AUTS2: variants seen among roughly 807,000 people sequenced by gnomAD.
AUTS2 encodes autism susceptibility gene 2 protein.
In AUTS2, 17 loss-of-function variants were observed where a neutral mutation model predicts 112.4. The ratio of observed to expected loss-of-function variants is 0.15; its 90% CI spans 0.10 to 0.23. The LOEUF is 0.23. Among genes scored for constraint, AUTS2 ranks in the 10% least tolerant of loss-of-function variants. AUTS2 has a pLI of 1.00. For missense variants in AUTS2, 1,510 were observed against 1,701.6 expected, an observed-to-expected ratio of 0.89 and a Z score of 1.98; for synonymous variants, 751 against 702.7, an observed-to-expected ratio of 1.07 and a Z score of -1.09.
chr7:70,629,177 A>G lies in AUTS2; in HGVS notation c.691-69392A>G, dbSNP rs74994914. On this transcript the variant is annotated intron_variant, in intron 5 of 18. Coordinates refer to ENST00000342771, the MANE Select transcript of AUTS2 (RefSeq NM_015570.4). ...TCAGTGCAAACCAACCCTTCTATTTAAAACACAGCTAGGCCAGGCATGGTG... is the reference window on the plus strand; with the variant it reads ...TCAGTGCAAACCAACCCTTCTATTTGAAACACAGCTAGGCCAGGCATGGTG... 3.3e-3 allele frequency among the ~76,000 whole-genome samples: 507 copies of G among 152,272 alleles called. 10 individuals are homozygous for G. The East Asian group carries it at 0.051, about 15-fold the overall frequency.
At chr7:70,678,632 CT>C (rs367791153) in intron 5 of AUTS2, among the ~76,000 whole-genome samples, 3 of 152,172 alleles carry the variant, frequency 2.0e-5, no homozygotes, top group Non-Finnish European at 4.4e-5. Flanking sequence ...TCAAATACTA[CT>C]TTTTTTATTA....
chr7:70,568,891 G>A (rs1403186901), intron 5 of AUTS2, among the ~76,000 whole-genome samples: 4 of 152,226 alleles, frequency 2.6e-5, no homozygotes, highest in Non-Finnish European at 5.9e-5. Flanking sequence ...ACTTTCTGTG[G>A]CTGTTGACAA....
At position 70,792,221 on chromosome 7, in the gene AUTS2, G is replaced by A. The variant is rs1019463892; in HGVS notation, c.*1225G>A. The A allele has an allele frequency of 6.6e-6, 1 of 152,546 alleles. No individual in the cohort carries two copies. The highest frequency in any genetic ancestry group is 2.4e-5 in the African/African-American group (1 of 41,426). 9.4% of individuals were successfully genotyped at this position (152,546 alleles called of 1,614,324 possible). On this transcript the variant is annotated 3_prime_UTR_variant, in exon 19 of 19. Transcript: ENST00000342771. ...CAGGTCAACCTTGTGGAGCCATCGCGAGTTAGAGGGTGAAAGATGGCAGAA... is the reference window on the plus strand; with the variant it reads ...CAGGTCAACCTTGTGGAGCCATCGCAAGTTAGAGGGTGAAAGATGGCAGAA...
intron 6 of AUTS2, among the ~76,000 whole-genome samples, chr7:70,722,749 C>G (rs1786769684): frequency 6.6e-6 from 1 of 152,266 alleles, no homozygotes; most frequent in South Asian, 2.1e-4. Flanking sequence ...GTGAATCCCT[C>G]TAATAAATGT....
At chr7:69,740,207 G>A (rs554538942) in intron 1 of AUTS2, among the ~76,000 whole-genome samples, 1 of 152,046 alleles carries the variant, frequency 6.6e-6, no homozygotes, top group East Asian at 1.9e-4. Context: ...CTGCTTCTTC[G>A]ATGTTCTGTG....
At chr7:70,138,007 G>C (rs1806662674) in intron 4 of AUTS2, among the ~76,000 whole-genome samples, 3 of 152,166 alleles carry the variant, frequency 2.0e-5, no homozygotes, top group African/African-American at 4.8e-5. Context: ...TGAACATGAC[G>C]ATGTTGGAAT....
rs532586330 is a variant in AUTS2, at chr7:70,406,043, T to G, written c.661-29709T>G. On this transcript the variant is annotated intron_variant, in intron 4 of 18. Transcript: ENST00000342771. ...GTGGCAGTCCTCCCCCTGAAGGTAT[T>G]TAAAAGAAAACACTCTTTTCACGGT... Among the ~76,000 whole-genome samples the G allele has an allele frequency of 1.2e-4, 18 of 152,252 alleles. No homozygotes were observed. The East Asian group carries it at 3.1e-3, about 26-fold the overall frequency.
chr7:70,031,016 T>C (rs1433009505), intron 2 of AUTS2, among the ~76,000 whole-genome samples: 3 of 152,148 alleles, frequency 2.0e-5, no homozygotes, highest in Non-Finnish European at 2.9e-5. Context: ...GCTATTCTTT[T>C]ACTTGTTGAA....
intron 1 of AUTS2, among the ~76,000 whole-genome samples, chr7:69,809,314 G>A (rs1021771261): frequency 6.6e-6 from 1 of 151,636 alleles, no homozygotes; most frequent in African/African-American, 2.4e-5. Flanking sequence ...TCCTGACCTC[G>A]TGATCTGCCC....
chr7:70,693,726 T>C (rs537882123), intron 5 of AUTS2, among the ~76,000 whole-genome samples: 2 of 152,226 alleles, frequency 1.3e-5, no homozygotes, highest in African/African-American at 4.8e-5. Flanking sequence ...ACTGGCTTGG[T>C]GGCAATTCAA....
chr7:69,892,213 C>CTTTTTTTTTTTTTT, intron 1 of AUTS2, among the ~76,000 whole-genome samples: 1 of 141,062 alleles, frequency 7.1e-6, no homozygotes, highest in African/African-American at 2.6e-5. Context: ...TGCTCTGTCG[C>CTTTTTTTTTTTTTT]CCAGGCTGGA....
chr7:69,614,461 C>T (rs1426643520), intron 1 of AUTS2, among the ~76,000 whole-genome samples: 1 of 151,612 alleles, frequency 6.6e-6, no homozygotes, highest in Non-Finnish European at 1.5e-5. Context: ...TCAAGCGATC[C>T]TCCTGCTGCA....
At chr7:69,751,256 T>C (rs1284895573) in intron 1 of AUTS2, among the ~76,000 whole-genome samples, 1 of 152,200 alleles carries the variant, frequency 6.6e-6, no homozygotes, top group Non-Finnish European at 1.5e-5. Flanking sequence ...CCACCCAGGG[T>C]CTGAGAGGTT....
At chr7:70,343,236 G>A (rs1791351214) in intron 4 of AUTS2, among the ~76,000 whole-genome samples, 1 of 152,158 alleles carries the variant, frequency 6.6e-6, no homozygotes, top group Non-Finnish European at 1.5e-5. Context: ...CACTGAAAGG[G>A]TAAAGTTAAC....
intron 5 of AUTS2, among the ~76,000 whole-genome samples, chr7:70,503,652 G>T (rs189456315): frequency 6.6e-6 from 1 of 151,338 alleles, no homozygotes; most frequent in African/African-American, 2.4e-5. Flanking sequence ...CAAGCAGCTG[G>T]GACTACAGGT....
At chr7:70,451,558 G>C (rs529605011) in intron 5 of AUTS2, among the ~76,000 whole-genome samples, 5 of 151,786 alleles carry the variant, frequency 3.3e-5, no homozygotes, top group African/African-American at 1.2e-4. Context: ...ACACTCACAT[G>C]GTTGTGCAAC....
At chr7:70,634,283 G>A (rs1805424357) in intron 5 of AUTS2, among the ~76,000 whole-genome samples, 1 of 152,206 alleles carries the variant, frequency 6.6e-6, no homozygotes, top group Admixed American at 6.5e-5. Flanking sequence ...AGACTTAAAG[G>A]GAACAGGAGG....
chr7:70,383,589 G>A (rs1412401948), intron 4 of AUTS2, among the ~76,000 whole-genome samples: 1 of 152,304 alleles, frequency 6.6e-6, no homozygotes, highest in South Asian at 2.1e-4. Context: ...ATTCTTCGCA[G>A]CACAGACCTC....
intron 12 of AUTS2, chr7:70,774,757 C>G (rs184433015): frequency 1.3e-5 from 2 of 152,540 alleles, no homozygotes; most frequent in Non-Finnish European, 2.9e-5. Flanking sequence ...AAATCTTTAA[C>G]AATATTGTCT....
Sources: gnomAD v4.1 joint callset for allele counts (sites outside exome capture counted in the v4.1 genomes callset) on GRCh38, gnomAD v4.1.1 for gene constraint, MANE v1.5 for transcripts, NCBI Gene and HGNC (gene_info 2026-07-23, HGNC 2026-07-21) for gene names.